Variants in ADAMTS6 observed in about 807,000 individuals in gnomAD.
The protein encoded by ADAMTS6 is A disintegrin and metalloproteinase with thrombospondin motifs 6.
A neutral mutation model predicts 144.3 loss-of-function variants in ADAMTS6; 23 were observed. The observed-to-expected ratio is 0.16, with a 90% CI of 0.11 to 0.23. The LOEUF (loss-of-function observed/expected upper bound fraction) is 0.23, where lower values mean the gene tolerates loss of function less well. Among genes scored for constraint, ADAMTS6 ranks in the 10% least tolerant of loss-of-function variants. The pLI, the probability that ADAMTS6 is intolerant of heterozygous loss-of-function variation, is 1.00. For missense variants in ADAMTS6, 999 were observed against 1,379.6 expected (o/e 0.72, Z 4.37); for synonymous variants, 444 against 457.5 (o/e 0.97, Z 0.38).
At chr5:65,213,748 C>A (rs1756701237) in intron 20 of ADAMTS6, among the ~76,000 whole-genome samples, 1 of 151,988 alleles carries the variant, frequency 6.6e-6, no homozygotes, top group African/African-American at 2.4e-5. Flanking sequence ...TCAGAAGATG[C>A]AAATACAAGA....
Position 65,173,016 on chromosome 5 carries a change from T to C in ADAMTS6, c.2911-8A>G. ...ACCACATTTTGGAGTACACTGGAAATAAAACAAATAGTAATGAATCACGAC... is the reference window on the plus strand; with the variant it reads ...ACCACATTTTGGAGTACACTGGAAACAAAACAAATAGTAATGAATCACGAC... On this transcript the variant is annotated splice_polypyrimidine_tract_variant and splice_region_variant and intron_variant, in intron 22 of 24. Transcript: ENST00000381055. 1 of 1,610,162 alleles carries C rather than the reference T, an allele frequency of 6.2e-7. No individual in the cohort carries two copies. Among genetic ancestry groups the C allele is most frequent in the African/African-American group, 1.3e-5 (1 of 74,870 alleles).
intron 4 of ADAMTS6, among the ~76,000 whole-genome samples, chr5:65,455,571 G>A (rs1365766595): frequency 1.3e-5 from 2 of 151,432 alleles, no homozygotes; most frequent in African/African-American, 2.4e-5. Flanking sequence ...AAGAGAACAG[G>A]TTGGTAAAAT....
intron 18 of ADAMTS6, among the ~76,000 whole-genome samples, chr5:65,220,127 C>T (rs1757215330): frequency 6.6e-6 from 1 of 152,040 alleles, no homozygotes; most frequent in African/African-American, 2.4e-5. Flanking sequence ...TAACAAAAAA[C>T]TAAAATCATA....
At chr5:65,360,593 G>A (rs2150103839) in intron 7 of ADAMTS6, among the ~76,000 whole-genome samples, 1 of 151,356 alleles carries the variant, frequency 6.6e-6, no homozygotes, top group Admixed American at 6.6e-5. Flanking sequence ...TTATAATGAA[G>A]TGTAAAAAAA....
intron 22 of ADAMTS6, among the ~76,000 whole-genome samples, chr5:65,181,104 G>A (rs1484705700): frequency 2.0e-5 from 3 of 152,174 alleles, no homozygotes; most frequent in Non-Finnish European, 4.4e-5. Context: ...AAATGGTGGA[G>A]CCATTCTAAT....
intron 24 of ADAMTS6, among the ~76,000 whole-genome samples, chr5:65,164,727 AC>A (rs1447704526): frequency 6.3e-5 from 9 of 143,246 alleles, no homozygotes; most frequent in Admixed American, 5.6e-4. Context: ...CTGACCCCTG[AC>A]CCCCGAGCAG....
intron 15 of ADAMTS6, among the ~76,000 whole-genome samples, chr5:65,228,511 G>A (rs1757894252): frequency 4.6e-5 from 7 of 152,070 alleles, no homozygotes; most frequent in Admixed American, 4.6e-4. Context: ...CCTGCAGAAG[G>A]ATCAATTTTG....
At chr5:65,178,487 G>A (rs1754121985) in intron 22 of ADAMTS6, among the ~76,000 whole-genome samples, 1 of 152,072 alleles carries the variant, frequency 6.6e-6, no homozygotes, top group Non-Finnish European at 1.5e-5. Flanking sequence ...AACTCATGTC[G>A]GCCCCAGCCC....
intron 3 of ADAMTS6, among the ~76,000 whole-genome samples, chr5:65,467,081 A>G (rs1760084928): frequency 6.6e-6 from 1 of 152,030 alleles, no homozygotes; most frequent in African/African-American, 2.4e-5. Flanking sequence ...TCCAAGAAAA[A>G]GAGAAAGAAC....
At chr5:65,305,453 C>T (rs1246694924) in intron 9 of ADAMTS6, among the ~76,000 whole-genome samples, 2 of 152,076 alleles carry the variant, frequency 1.3e-5, no homozygotes, top group Non-Finnish European at 2.9e-5. Context: ...CCTGCTTGAA[C>T]TGATACTGAT....
At position 65,161,184 on chromosome 5, in the gene ADAMTS6, C is replaced by T. The variant is rs77582671; in HGVS notation, c.3245-9239G>A. On this transcript the variant is annotated intron_variant, in intron 24 of 24. Transcript: ENST00000381055. ...CTCCCAAGTAGCTGGACTACAGATG[C>T]GTGCCACCATACCCAGCTAGTTTTT... Among the ~76,000 whole-genome samples, 1,456 of 151,956 alleles carry T rather than the reference C, an allele frequency of 9.6e-3. 19 individuals carry two copies. Among genetic ancestry groups the T allele is most frequent in the African/African-American group, 0.033 (1,360 of 41,442 alleles).
intron 10 of ADAMTS6, among the ~76,000 whole-genome samples, chr5:65,297,727 C>A (rs1324875349): frequency 6.6e-6 from 1 of 152,088 alleles, no homozygotes; most frequent in Non-Finnish European, 1.5e-5. Context: ...GTGAACTGAC[C>A]TTTTTAAAGA....
intron 14 of ADAMTS6, among the ~76,000 whole-genome samples, chr5:65,252,255 C>G (rs1273916216): frequency 6.6e-6 from 1 of 152,028 alleles, no homozygotes; most frequent in Non-Finnish European, 1.5e-5. Context: ...GAACTGATAA[C>G]ATTTGTCTCT....
intron 20 of ADAMTS6, among the ~76,000 whole-genome samples, chr5:65,204,283 G>A (rs1400298264): frequency 2.6e-5 from 4 of 152,038 alleles, no homozygotes; most frequent in East Asian, 1.9e-4. Context: ...TATGCTTAAG[G>A]AAAAAAGATA....
intron 24 of ADAMTS6, among the ~76,000 whole-genome samples, chr5:65,167,732 C>T (rs376118933): frequency 2.8e-5 from 3 of 107,510 alleles, no homozygotes; most frequent in African/African-American, 1.1e-4. Flanking sequence ...GTTCAATATA[C>T]GCAAATCAAT....
Position 65,247,944 on chromosome 5 carries a change from CCT to C in ADAMTS6, c.1831-5740_1831-5739del, listed in dbSNP as rs561417680. Among the ~76,000 whole-genome samples, 200 of 152,230 alleles carry C rather than the reference CCT, an allele frequency of 1.3e-3. 2 individuals are homozygous for C. The highest frequency in any genetic ancestry group is 4.0e-3 in the African/African-American group (167 of 41,552). ...ACAACATATTCTTAGTAGATTGCCC[CCT>C]GTTTGTTGAGGGAGTTTGAAATCCA... On this transcript the variant is annotated intron_variant, in intron 14 of 24. Transcript: ENST00000381055.
At chr5:65,436,953 G>A (rs1009571348) in intron 7 of ADAMTS6, among the ~76,000 whole-genome samples, 1 of 152,108 alleles carries the variant, frequency 6.6e-6, no homozygotes, top group African/African-American at 2.4e-5. Flanking sequence ...ACATGCCTGA[G>A]ACTGGGCAAT....
At chr5:65,229,108 G>A (rs1021677968) in intron 15 of ADAMTS6, among the ~76,000 whole-genome samples, 1 of 152,190 alleles carries the variant, frequency 6.6e-6, no homozygotes. Flanking sequence ...GCAGGATTGG[G>A]AGAAGTCATA....
At chr5:65,210,724 C>A in intron 20 of ADAMTS6, 1 of 643,890 alleles carries the variant, frequency 1.6e-6, no homozygotes, top group South Asian at 1.5e-5. Flanking sequence ...CATCATGGGC[C>A]AGAATGTTTC....
Sources: gnomAD v4.1 joint callset for allele counts (sites outside exome capture counted in the v4.1 genomes callset) on GRCh38, gnomAD v4.1.1 for gene constraint, MANE v1.5 for transcripts, NCBI Gene and HGNC (gene_info 2026-07-23, HGNC 2026-07-21) for gene names.